Variants in BBS1 observed in about 807,000 individuals in gnomAD.
BBS1 encodes the protein Bardet-Biedl syndrome 1.
In BBS1, 60 loss-of-function variants were observed where a neutral mutation model predicts 73.9. That is an observed-to-expected ratio of 0.81 (90% CI 0.66 to 1.01). The LOEUF is 1.01. Among genes scored for constraint, BBS1 ranks in the 50% least tolerant of loss-of-function variants. The pLI is 0.00. For missense variants in BBS1, 718 were observed against 770.3 expected, an observed-to-expected ratio of 0.93 and a Z score of 0.80; for synonymous variants, 283 against 317.4, an observed-to-expected ratio of 0.89 and a Z score of 1.15.
intron 9 of BBS1, 21 bp from the exon 10 acceptor site, chr11:66,523,435 A>T (rs751914638): frequency 6.2e-7 from 1 of 1,614,184 alleles, no homozygotes; most frequent in Non-Finnish European, 8.5e-7. Context: ...GGGGCCAGAC[A>T]GTGTGTTGTT....
Position 66,521,334 on chromosome 11 carries a change from TTGCCGCGGCC to T in BBS1, c.795_804del (p.Ala266MetfsTer7). 2 of 1,614,178 alleles carry T rather than the reference TTGCCGCGGCC, an allele frequency of 1.2e-6. No homozygotes were observed. The highest frequency in any genetic ancestry group is 1.7e-6 in the Non-Finnish European group (2 of 1,179,984). ...GGCCAGTTTGATGTTGAGTTCCGGCTTGCCGCGGCCTGCCGCAATGGAAACATCTATATTC... is the reference window on the plus strand; with the variant it reads ...GGCCAGTTTGATGTTGAGTTCCGGCTTGCCGCAATGGAAACATCTATATTC... On this transcript the variant is annotated frameshift_variant, in exon 9 of 17. Coordinates refer to ENST00000318312, the MANE Select transcript of BBS1 (RefSeq NM_024649.5). LOFTEE classifies it high-confidence loss of function.
In BBS1 at chr11:66,519,666, A is replaced by T. The variant is rs1565283674; in HGVS notation, c.641A>T (p.Asp214Val). Residue 214 changes from aspartate (D) to valine (V), a missense_variant, in exon 8 of 17, where the codon GAT (aspartate) becomes GTT (valine). Asp to Val is a radical substitution (Grantham distance 152). Transcript: ENST00000318312. ...TTLKKNLADE[D>V]AVSCLVLGTE... is the part of the protein sequence containing the mutation. The stretch of plus-strand genomic sequence containing the variant: ...TTGAAGAAGAACCTGGCTGACGAGG[A>T]TGCTGTGTCTTGCCTGGTGCTGGGC... 1.2e-6 allele frequency: 2 copies of T among 1,613,798 alleles called. No individual in the cohort carries two copies. Among genetic ancestry groups the T allele is most frequent in the East Asian group, 2.2e-5 (1 of 44,844 alleles).
chr11:66,526,330 C>G, intron 12 of BBS1, 138 bp downstream of exon 12: 1 of 911,054 alleles, frequency 1.1e-6, no homozygotes, highest in Non-Finnish European at 1.7e-6. Context: ...AAGTGTCCTT[C>G]TGGAGCTAGG....
chr11:66,528,613 C>T (rs1856619383), intron 13 of BBS1, among the ~76,000 whole-genome samples: 1 of 152,074 alleles, frequency 6.6e-6, no homozygotes, highest in African/African-American at 2.4e-5. Flanking sequence ...TTTGAATTGG[C>T]AGGGAGATGT....
chr11:66,515,664 GGCT>G (rs1295650387), intron 5 of BBS1, 26 bp from the exon 6 acceptor site: 2 of 1,613,932 alleles, frequency 1.2e-6, no homozygotes, highest in South Asian at 1.1e-5. Context: ...TCTTCCATTC[GGCT>G]GCCATGCTGG....
rs11828256 is a variant in BBS1, at chr11:66,527,247, A to G, written c.1339+440A>G. On this transcript the variant is annotated intron_variant, in intron 13 of 16. Transcript: ENST00000318312. Reference sequence around the variant, plus strand: ...AGAGAGAGAGAAAGAGAAAAGTAGAATTTGACCAGTGTCATCTTGTCCAGT... The same window carrying G: ...AGAGAGAGAGAAAGAGAAAAGTAGAGTTTGACCAGTGTCATCTTGTCCAGT... Among the ~76,000 whole-genome samples the G allele has an allele frequency of 7.6e-3, 1,158 of 152,106 alleles. 18 individuals carry two copies. Among genetic ancestry groups the G allele is most frequent in the African/African-American group, 0.026 (1,089 of 41,516 alleles).
rs1214632342 is a variant in BBS1 at position 66,510,882 on chromosome 11, AGTGGCGGAGCCTGGACTT to A, written c.48-128_48-111del. On this transcript the variant is annotated intron_variant, in intron 1 of 16. Transcript: ENST00000318312. ...GTGTCTGGAGGTCGCTCGGTGAGCC[AGTGGCGGAGCCTGGACTT>A]GTACCCAGACGTTCTGTACCTTATG... 6 of 1,375,450 alleles carry A rather than the reference AGTGGCGGAGCCTGGACTT, an allele frequency of 4.4e-6. No homozygotes were observed. The Admixed American group carries it at 8.4e-5, about 19-fold the overall frequency. 85.2% of individuals were successfully genotyped at this position (1,375,450 alleles called of 1,614,324 possible). A position where few individuals can be genotyped will look rare whatever the true frequency, so the allele number is the denominator to read the frequency against.
intron 7 of BBS1, among the ~76,000 whole-genome samples, chr11:66,516,602 G>A (rs1337605031): frequency 6.6e-6 from 1 of 152,172 alleles, no homozygotes; most frequent in Non-Finnish European, 1.5e-5. Context: ...CCAGGCTGGA[G>A]TGCAGTGGTG....
rs75297832 is a variant in BBS1, at chr11:66,518,832, A to G, written c.592-785A>G. Among the ~76,000 whole-genome samples the G allele has an allele frequency of 4.0e-4, 60 of 148,498 alleles. No homozygotes were observed. The East Asian group carries it at 0.012, about 28-fold the overall frequency. ...GAATGCAGTGGCAGGATCATAGCTC[A>G]CTGGAGCATTGAACTCCTGGGATCA... is the stretch of plus-strand genomic sequence containing the variant. On this transcript the variant is annotated intron_variant, in intron 7 of 16. Coordinates refer to ENST00000318312, the MANE Select transcript of BBS1 (RefSeq NM_024649.5).
intron 3 of BBS1, 135 bp downstream of exon 3, chr11:66,511,374 A>AT: frequency 8.8e-7 from 1 of 1,131,896 alleles, no homozygotes; most frequent in East Asian, 2.6e-5. Flanking sequence ...TTAGCGTTAA[A>AT]TTTTGTTTTT....
At chr11:66,519,973 A>G (rs534198051) in intron 8 of BBS1, 2 of 471,708 alleles carry the variant, frequency 4.2e-6, no homozygotes, top group Non-Finnish European at 7.6e-6. Context: ...ACATAGATAT[A>G]TAACTTTATG....
At chr11:66,531,483 G>C (rs995201911) in intron 15 of BBS1, among the ~76,000 whole-genome samples, 173 bp from the exon 16 acceptor site, 3 of 152,130 alleles carry the variant, frequency 2.0e-5, no homozygotes, top group African/African-American at 4.8e-5. Context: ...TCACCATGAG[G>C]CCCTGGGCCA....
rs1590767966 is a variant in BBS1 at position 66,524,049 on chromosome 11, G to A, written c.1110+167G>A. The A allele has an allele frequency of 1.2e-5, 12 of 984,532 alleles. No homozygotes were observed. The East Asian group carries it at 3.2e-4, about 26-fold the overall frequency. The allele number at this position is 984,532 out of a possible 1,614,324, so 61.0% of individuals were successfully genotyped here. On this transcript the variant is annotated intron_variant, in intron 11 of 16. Transcript: ENST00000318312. Reference sequence around the variant, plus strand: ...AATCCCAGCACTTTGGGAGGCCAAGGTGGGCAGATCACCTGAGGTAAGGAG... The same window carrying A: ...AATCCCAGCACTTTGGGAGGCCAAGATGGGCAGATCACCTGAGGTAAGGAG...
At chr11:66,512,925 TCA>T (rs1256767958) in intron 3 of BBS1, among the ~76,000 whole-genome samples, 2 of 151,430 alleles carry the variant, frequency 1.3e-5, no homozygotes, top group East Asian at 3.9e-4. Context: ...TGAGCCGAAA[TCA>T]CGCCATCGCA....
intron 11 of BBS1, among the ~76,000 whole-genome samples, chr11:66,524,886 C>G (rs1465897849): frequency 6.6e-6 from 1 of 151,370 alleles, no homozygotes; most frequent in African/African-American, 2.4e-5. Flanking sequence ...GAAACCCCAT[C>G]TCTACTAAAA....
At chr11:66,520,122 T>G (rs572417842) in intron 8 of BBS1, among the ~76,000 whole-genome samples, 1 of 152,296 alleles carries the variant, frequency 6.6e-6, no homozygotes, top group South Asian at 2.1e-4. Flanking sequence ...ATTGTGGCAC[T>G]GCACTCCAGC....
chr11:66,531,981 C>G lies in BBS1; in HGVS notation c.1726C>G (p.Pro576Ala). 1 of 1,605,406 alleles carries G rather than the reference C, an allele frequency of 6.2e-7. No individual in the cohort carries two copies. The highest frequency in any genetic ancestry group is 8.5e-7 in the Non-Finnish European group (1 of 1,176,516). ...VLVLREGQSA[P>A]LLSAHVNMPG... ...GGTGCTTCGAGAAGGCCAAAGTGCACCCCTGCTGAGTGCCCACGTCAACAT... is the reference window on the plus strand; with the variant it reads ...GGTGCTTCGAGAAGGCCAAAGTGCAGCCCTGCTGAGTGCCCACGTCAACAT... Residue 576 changes from proline to alanine, a missense_variant, in exon 17 of 17, where the codon CCC becomes GCC. Coordinates refer to ENST00000318312, the MANE Select transcript of BBS1 (RefSeq NM_024649.5).
chr11:66,524,342 G>T, intron 11 of BBS1: 1 of 271,626 alleles, frequency 3.7e-6, no homozygotes, highest in South Asian at 3.8e-5. Context: ...TAGGGGTGGG[G>T]GGTAAAATGA....
At chr11:66,519,778 T>C (rs773355033) in intron 8 of BBS1, 30 bp downstream of exon 8, 5 of 1,610,912 alleles carry the variant, frequency 3.1e-6, no homozygotes, top group Non-Finnish European at 4.2e-6. Flanking sequence ...CTGGGCCCGC[T>C]GGAGGCCCAG....
Sources: allele counts gnomAD v4.1 joint callset (sites outside exome capture counted in the v4.1 genomes callset), GRCh38; gene constraint gnomAD v4.1.1; transcripts MANE v1.5; gene names NCBI Gene and HGNC (gene_info 2026-07-23, HGNC 2026-07-21).